KLHL26: variants seen among roughly 807,000 people sequenced by gnomAD.
The protein encoded by KLHL26 is kelch like family member 26.
In KLHL26, 4 loss-of-function variants were observed where a neutral mutation model predicts 7.1. The observed-to-expected ratio is 0.56, with a 90% CI of 0.28 to 1.28. KLHL26 has a LOEUF of 1.28. Ranked by LOEUF, KLHL26 falls within the 50% of genes most tolerant of loss-of-function variation. The probability of loss-of-function intolerance (pLI) is 0.11; values close to 1 mark genes in which losing one functional copy is unlikely to be tolerated. For synonymous variants in KLHL26, 465 were observed against 414.1 expected, an observed-to-expected ratio of 1.12 and a Z score of -1.49; for missense variants, 896 against 924.6, an observed-to-expected ratio of 0.97 and a Z score of 0.40.
In KLHL26 at chr19:18,650,957, G is replaced by A. The variant is rs2052248949; in HGVS notation, c.84-13304G>A. Among the ~76,000 whole-genome samples the A allele has an allele frequency of 1.3e-5, 2 of 152,124 alleles. No individual in the cohort carries two copies. The highest frequency in any genetic ancestry group is 4.8e-5 in the African/African-American group (2 of 41,408). ...GAGGCGGCAGCTGGAAAAGTGTTAA[G>A]GCCACAGTGGTTTTTCCAGAGGCTC... is the stretch of plus-strand genomic sequence containing the variant. On this transcript the variant is annotated intron_variant, in intron 1 of 2. Transcript: ENST00000300976. The surrounding 1 kb of genome is among the most constrained non-coding windows in gnomAD (Gnocchi z 4.2).
chr19:18,647,912 C>T (rs1196078464), intron 1 of KLHL26, among the ~76,000 whole-genome samples: 1 of 152,194 alleles, frequency 6.6e-6, no homozygotes, highest in African/African-American at 2.4e-5. Flanking sequence ...ATGCCTGGTG[C>T]TGGACATGAA....
Position 18,669,337 on chromosome 19 carries a change from C to T in KLHL26, c.*92C>T, listed in dbSNP as rs964122824. On this transcript the variant is annotated 3_prime_UTR_variant, in exon 3 of 3. Transcript: ENST00000300976. ...GTCTGCCTGAGAACCCCAGTGCCCC[C>T]CTTCGCCCGGGCTGCCCTTGAGGGG... 11 of 1,039,222 alleles carry T rather than the reference C, an allele frequency of 1.1e-5. No homozygotes were observed. Among genetic ancestry groups the T allele is most frequent in the Middle Eastern group, 3.0e-4 (1 of 3,324 alleles). 64.4% of individuals were successfully genotyped at this position (1,039,222 alleles called of 1,614,324 possible). A position where few individuals can be genotyped will look rare whatever the true frequency, so the allele number is the denominator to read the frequency against.
intron 1 of KLHL26, among the ~76,000 whole-genome samples, chr19:18,654,404 C>T (rs914214576): frequency 1.3e-5 from 2 of 150,438 alleles, no homozygotes; most frequent in Admixed American, 6.6e-5. Context: ...CGTCCAGCCA[C>T]CCTTCCATCT....
chr19:18,651,519 T>C (rs1368849649), intron 1 of KLHL26, among the ~76,000 whole-genome samples: 1 of 152,154 alleles, frequency 6.6e-6, no homozygotes, highest in Non-Finnish European at 1.5e-5. Flanking sequence ...GGAGGGATGG[T>C]AAACACCCCA....
At chr19:18,645,774 T>C (rs1305678081) in intron 1 of KLHL26, among the ~76,000 whole-genome samples, 1 of 150,114 alleles carries the variant, frequency 6.7e-6, no homozygotes, top group African/African-American at 2.5e-5. Flanking sequence ...ATCCTGCCAC[T>C]GCACTCCAGC....
chr19:18,637,031 C>A lies in KLHL26; in HGVS notation c.-24C>A, dbSNP rs775388136. The A allele has an allele frequency of 1.5e-5, 19 of 1,300,212 alleles. No homozygotes were observed. Among genetic ancestry groups the A allele is most frequent in the Non-Finnish European group, 1.9e-5 (19 of 1,009,256 alleles). 80.5% of individuals were successfully genotyped at this position (1,300,212 alleles called of 1,614,324 possible). On this transcript the variant is annotated 5_prime_UTR_variant, in exon 1 of 3. Transcript: ENST00000300976. ...GCCTGCGCGCGCGGCTCCCGTCACTCGAACGCGCGACGGCGGGGGGAAGAT... is the reference window on the plus strand; with the variant it reads ...GCCTGCGCGCGCGGCTCCCGTCACTAGAACGCGCGACGGCGGGGGGAAGAT...
chr19:18,669,155 C>T lies in KLHL26; in HGVS notation c.1758C>T (p.Asp586=), dbSNP rs780074256. The change falls in exon 3 of 3, where the codon GAC becomes GAT. Residue 586 remains aspartate, a synonymous_variant. Transcript: ENST00000300976. ...TACAGGTGTACAACACGGACACCGA[C>T]GAGTGGGAGCGGGACCTGCACTTCC... The part of the protein sequence containing the change: ...GIVQVYNTDT[D]EWERDLHFPE... 6 of 1,612,872 alleles carry T rather than the reference C, an allele frequency of 3.7e-6. No individual in the cohort carries two copies. Among genetic ancestry groups the T allele is most frequent in the Non-Finnish European group, 5.1e-6 (6 of 1,179,972 alleles).
rs1376149104 is a variant in KLHL26, at chr19:18,646,949, G to C, written c.83+9812G>C. On this transcript the variant is annotated intron_variant, in intron 1 of 2. Coordinates refer to ENST00000300976, the MANE Select transcript of KLHL26 (RefSeq NM_018316.3). The surrounding 1 kb of genome is among the most constrained non-coding windows in gnomAD (Gnocchi z 5.0). ...GGAGTAGGCCTGGGAGCAGGAGCTC[G>C]GCAGGGCGGGGGCAGGGGCGGCGGG... Among the ~76,000 whole-genome samples, 3 of 152,028 alleles carry C rather than the reference G, an allele frequency of 2.0e-5. No homozygotes were observed. Among genetic ancestry groups the C allele is most frequent in the East Asian group, 1.9e-4 (1 of 5,158 alleles).
At chr19:18,666,874 T>G (rs2052453455) in intron 2 of KLHL26, among the ~76,000 whole-genome samples, 1 of 152,232 alleles carries the variant, frequency 6.6e-6, no homozygotes, top group African/African-American at 2.4e-5. Context: ...TCCAGAGCAC[T>G]GGCCTTGCAG....
rs1381339442 is a variant in KLHL26 at position 18,650,438 on chromosome 19, C to T, written c.83+13301C>T. Among the ~76,000 whole-genome samples the T allele has an allele frequency of 6.6e-6, 1 of 152,112 alleles. No homozygotes were observed. Among genetic ancestry groups the T allele is most frequent in the African/African-American group, 2.4e-5 (1 of 41,428 alleles). ...GCCATCAGCCTGAGTCATCCTCTAT[C>T]TGAAAAACTTCCAGGACTGAAGTTC... is the stretch of plus-strand genomic sequence containing the variant. On this transcript the variant is annotated intron_variant, in intron 1 of 2. Coordinates refer to ENST00000300976, the MANE Select transcript of KLHL26 (RefSeq NM_018316.3). The surrounding 1 kb of genome is among the most constrained non-coding windows in gnomAD (Gnocchi z 4.2).
In KLHL26 at chr19:18,656,300, T is replaced by C. The variant is rs1257291399; in HGVS notation, c.84-7961T>C. Among the ~76,000 whole-genome samples, 1 of 152,152 alleles carries C rather than the reference T, an allele frequency of 6.6e-6. No individual in the cohort carries two copies. The highest frequency in any genetic ancestry group is 1.5e-5 in the Non-Finnish European group (1 of 68,018). On this transcript the variant is annotated intron_variant, in intron 1 of 2. Coordinates refer to ENST00000300976, the MANE Select transcript of KLHL26 (RefSeq NM_018316.3). This position sits in a 1 kb window ranked among gnomAD's most constrained non-coding sequence, Gnocchi z 4.4. ...GTCTCCTGCCACCTCACTGGGTCCT[T>C]GGGGTCATTGGTCGTGGTCCTTTCC...
chr19:18,644,199 T>C (rs920150760), intron 1 of KLHL26, among the ~76,000 whole-genome samples: 3 of 152,218 alleles, frequency 2.0e-5, no homozygotes, highest in Admixed American at 6.5e-5. Context: ...CTCAGCATGA[T>C]GCTTTGGGGG....
At chr19:18,645,028 AT>A in intron 1 of KLHL26, among the ~76,000 whole-genome samples, 1 of 152,110 alleles carries the variant, frequency 6.6e-6, no homozygotes, top group Admixed American at 6.5e-5. Flanking sequence ...CTTCCTTCCT[AT>A]CTCGAGGGAT....
chr19:18,655,774 G>A (rs967371158), intron 1 of KLHL26, among the ~76,000 whole-genome samples: 27 of 152,190 alleles, frequency 1.8e-4, no homozygotes, highest in Non-Finnish European at 3.2e-4. Context: ...TGGATGGTGG[G>A]GCTTCCTCTT....
At chr19:18,661,530 A>G (rs1169084706) in intron 1 of KLHL26, among the ~76,000 whole-genome samples, 1 of 152,052 alleles carries the variant, frequency 6.6e-6, no homozygotes, top group Non-Finnish European at 1.5e-5. Context: ...TTCCTCCTGC[A>G]GCCTTGACGT....
chr19:18,669,297 G>T lies in KLHL26; in HGVS notation c.*52G>T. On this transcript the variant is annotated 3_prime_UTR_variant, in exon 3 of 3. Coordinates refer to ENST00000300976, the MANE Select transcript of KLHL26 (RefSeq NM_018316.3). ...TGACCGCATGTTGTCTCCAAGTGGGGCTTGGCGAATGCACGTCTGCCTGAG... is the reference window on the plus strand; with the variant it reads ...TGACCGCATGTTGTCTCCAAGTGGGTCTTGGCGAATGCACGTCTGCCTGAG... The T allele has an allele frequency of 1.4e-6, 2 of 1,462,066 alleles. No individual in the cohort carries two copies. The highest frequency in any genetic ancestry group is 1.9e-6 in the Non-Finnish European group (2 of 1,067,814). The allele number at this position is 1,462,066 out of a possible 1,614,324, so 90.6% of individuals were successfully genotyped here.
chr19:18,664,879 G>A (rs775221890), intron 2 of KLHL26, among the ~76,000 whole-genome samples: 2 of 150,694 alleles, frequency 1.3e-5, no homozygotes, highest in East Asian at 2.0e-4. Context: ...CCACCGCTCC[G>A]GGCCCCTTCT....
At chr19:18,666,110 C>T (rs781231509) in intron 2 of KLHL26, among the ~76,000 whole-genome samples, 17 of 152,248 alleles carry the variant, frequency 1.1e-4, no homozygotes, top group Admixed American at 2.6e-4. Context: ...CTGCCTTCAT[C>T]GCATCATGCC....
At chr19:18,661,003 A>G (rs1199696555) in intron 1 of KLHL26, among the ~76,000 whole-genome samples, 1 of 152,170 alleles carries the variant, frequency 6.6e-6, no homozygotes, top group Non-Finnish European at 1.5e-5. Context: ...AGATGGGAGC[A>G]TCCAGATTCT....
Sources: allele counts gnomAD v4.1 joint callset (sites outside exome capture counted in the v4.1 genomes callset), GRCh38; gene constraint gnomAD v4.1.1; non-coding constraint Gnocchi (gnomAD v3.1); transcripts MANE v1.5; gene names NCBI Gene and HGNC (gene_info 2026-07-23, HGNC 2026-07-21).